The following RPS12 variants were observed in gnomAD, a reference collection of about 807,000 sequenced individuals.
RPS12 encodes the protein small ribosomal subunit protein eS12.
In RPS12, 1 loss-of-function variant was observed where a neutral mutation model predicts 17.2. That is an observed-to-expected ratio of 0.06 (90% CI 0.02 to 0.28). The LOEUF (loss-of-function observed/expected upper bound fraction) is 0.28. Among genes scored for constraint, RPS12 ranks in the 10% least tolerant of loss-of-function variants. The probability of loss-of-function intolerance (pLI) is 1.00; values close to 1 mark genes in which losing one functional copy is unlikely to be tolerated. For missense variants in RPS12, 146 were observed against 162.1 expected, an observed-to-expected ratio of 0.90 and a Z score of 0.54; for synonymous variants, 67 against 54.0, an observed-to-expected ratio of 1.24 and a Z score of -1.06.
intron 3 of RPS12, chr6:132,815,853 T>C (rs756256015): frequency 9.3e-6 from 4 of 432,052 alleles, no homozygotes; most frequent in South Asian, 5.1e-5. Flanking sequence ...TTTCTTTTTT[T>C]TTTTTGAGAC....
chr6:132,815,324 A>T (rs1385599585), intron 3 of RPS12: 1 of 701,096 alleles, frequency 1.4e-6, no homozygotes, highest in Non-Finnish European at 2.6e-6. Flanking sequence ...TGATGACTTT[A>T]ATTGTCGGAT....
intron 4 of RPS12, 37 bp downstream of exon 4, chr6:132,816,600 A>G (rs1782066947): frequency 5.1e-6 from 7 of 1,376,870 alleles, no homozygotes; most frequent in Non-Finnish European, 7.2e-6. Context: ...ACTAATGTTC[A>G]GTGATGCTTG....
rs1167837015 is a variant in RPS12 at position 132,814,586 on chromosome 6, C to G, written c.-65C>G. On this transcript the variant is annotated 5_prime_UTR_variant, in exon 1 of 6. Coordinates refer to ENST00000230050, the MANE Select transcript of RPS12 (RefSeq NM_001016.4). ...GATGAGGCCTCTTTCCCTGCCGCCG[C>G]CGAGTCGCGCGGAGGCGGAGGCTTG... 5.1e-6 allele frequency: 4 copies of G among 781,968 alleles called. No individual in the cohort carries two copies. The highest frequency in any genetic ancestry group is 8.9e-6 in the Non-Finnish European group (4 of 451,844). The allele number at this position is 781,968 out of a possible 1,614,324, so 48.4% of individuals were successfully genotyped here.
chr6:132,816,871 T>TACAGCCACCGTCACCCTTCTGAC (rs1562281267), intron 4 of RPS12, 89 bp from the exon 5 acceptor site: 1 of 924,618 alleles, frequency 1.1e-6, no homozygotes, highest in African/African-American at 1.6e-5. Flanking sequence ...ACCCTTCTGA[T>TACAGCCACCGTCACCCTTCTGAC]TACAGCCACC....
chr6:132,815,310 T>C (rs775450369), intron 3 of RPS12: 2 of 721,390 alleles, frequency 2.8e-6, no homozygotes, highest in South Asian at 2.7e-5. Flanking sequence ...CTACAGTGTT[T>C]GAATGATGAC....
rs976142375 is a variant in RPS12 at position 132,814,625 on chromosome 6, G to A, written c.-38+12G>A. The A allele has an allele frequency of 2.0e-6, 2 of 1,022,916 alleles. No homozygotes were observed. Among genetic ancestry groups the A allele is most frequent in the East Asian group, 2.4e-5 (1 of 42,302 alleles). The allele number at this position is 1,022,916 out of a possible 1,614,324, so 63.4% of individuals were successfully genotyped here. On this transcript the variant is annotated intron_variant, in intron 1 of 5. Transcript: ENST00000230050. ...GGCGGAGGCTTGGGGTAAGTTGAGC[G>A]AGGCGGCAGGGGGGTGTATTGGTTA...
chr6:132,815,855 T>G (rs777882036), intron 3 of RPS12: 5 of 432,596 alleles, frequency 1.2e-5, no homozygotes, highest in African/African-American at 6.3e-5. Context: ...TCTTTTTTTT[T>G]TTTGAGACAA....
chr6:132,815,228 T>C (rs774572265), intron 3 of RPS12, 140 bp downstream of exon 3: 8 of 744,012 alleles, frequency 1.1e-5, no homozygotes, highest in Non-Finnish European at 2.0e-5. Flanking sequence ...GGAAAAGGTA[T>C]CAGAACTCAG....
At chr6:132,816,760 T>A (rs1370805399) in intron 4 of RPS12, 197 bp downstream of exon 4, 2 of 768,304 alleles carry the variant, frequency 2.6e-6, no homozygotes, top group Non-Finnish European at 4.7e-6. Flanking sequence ...TTGACGTTGG[T>A]ATACAACAAA....
At chr6:132,815,952 CT>C (rs1160661845) in intron 3 of RPS12, 2 of 453,372 alleles carry the variant, frequency 4.4e-6, no homozygotes, top group Non-Finnish European at 8.8e-6. Context: ...ATTCTTCTGC[CT>C]CCCGAGTAGA....
At chr6:132,814,865 A>G in intron 2 of RPS12, 83 bp downstream of exon 2, 1 of 1,461,892 alleles carries the variant, frequency 6.8e-7, no homozygotes, top group Non-Finnish European at 9.6e-7. Context: ...GGACTGGGTC[A>G]AACGGGTCGC....
intron 4 of RPS12, 149 bp downstream of exon 4, chr6:132,816,712 G>T (rs916821059): frequency 3.9e-6 from 3 of 775,236 alleles, no homozygotes; most frequent in African/African-American, 1.7e-5. Flanking sequence ...ATGATTGTAG[G>T]TAGAAGCATT....
Position 132,814,792 on chromosome 6 carries a change from G to C in RPS12, c.14+10G>C. 1 of 1,612,682 alleles carries C rather than the reference G, an allele frequency of 6.2e-7. No homozygotes were observed. The highest frequency in any genetic ancestry group is 8.5e-7 in the Non-Finnish European group (1 of 1,178,806). The stretch of plus-strand genomic sequence containing the variant: ...CCATGGCCGAGGAAGGGTGAGCCCA[G>C]GGGCCGGGGTTGGAGTTGGGGTCGG... On this transcript the variant is annotated intron_variant, in intron 2 of 5. Transcript: ENST00000230050.
At position 132,814,633 on chromosome 6, in the gene RPS12, A is replaced by G. The variant is rs1315894421; in HGVS notation, c.-38+20A>G. ...CTTGGGGTAAGTTGAGCGAGGCGGC[A>G]GGGGGGTGTATTGGTTATAATTTGT... On this transcript the variant is annotated intron_variant, in intron 1 of 5. Coordinates refer to ENST00000230050, the MANE Select transcript of RPS12 (RefSeq NM_001016.4). 1.4e-5 allele frequency: 15 copies of G among 1,058,892 alleles called. No individual in the cohort carries two copies. Among genetic ancestry groups the G allele is most frequent in the East Asian group, 9.4e-5 (4 of 42,400 alleles). 65.6% of individuals were successfully genotyped at this position (1,058,892 alleles called of 1,614,324 possible). A position where few individuals can be genotyped will look rare whatever the true frequency, so the allele number is the denominator to read the frequency against.
Position 132,814,581 on chromosome 6 carries a change from C to T in RPS12, c.-70C>T, listed in dbSNP as rs1781997302. On this transcript the variant is annotated 5_prime_UTR_variant, in exon 1 of 6. Coordinates refer to ENST00000230050, the MANE Select transcript of RPS12 (RefSeq NM_001016.4). ...GTGCGGATGAGGCCTCTTTCCCTGC[C>T]GCCGCCGAGTCGCGCGGAGGCGGAG... 4 of 762,606 alleles carry T rather than the reference C, an allele frequency of 5.2e-6. No homozygotes were observed. The highest frequency in any genetic ancestry group is 2.4e-5 in the East Asian group (1 of 40,924). The allele number at this position is 762,606 out of a possible 1,614,324, so 47.2% of individuals were successfully genotyped here.
rs770260980 is a variant in RPS12, at chr6:132,816,970, A to G, written c.245A>G (p.Asn82Ser). 38 of 1,607,854 alleles carry G rather than the reference A, an allele frequency of 2.4e-5. No individual in the cohort carries two copies. The highest frequency in any genetic ancestry group is 3.2e-5 in the Non-Finnish European group (37 of 1,174,542). The change falls in exon 5 of 6, where the codon AAC becomes AGC. Residue 82 changes from asparagine (N) to serine (S), a missense_variant. Transcript: ENST00000230050. The stretch of plus-strand genomic sequence containing the variant: ...CCTTTCTCCCAATAGGTTGATGACA[A>G]CAAGAAACTAGGAGAATGGGTAGGC... ...HQINLIKVDD[N>S]KKLGEWVGLC...
intron 2 of RPS12, 54 bp from the exon 3 acceptor site, chr6:132,814,918 G>C: frequency 7.1e-7 from 1 of 1,409,876 alleles, no homozygotes; most frequent in Non-Finnish European, 1.0e-6. Context: ...CTGAGTGCAA[G>C]GCCTTATGTG....
intron 5 of RPS12, 66 bp downstream of exon 5, chr6:132,817,127 A>AT: frequency 5.9e-6 from 6 of 1,011,550 alleles, no homozygotes; most frequent in Non-Finnish European, 9.4e-6. Flanking sequence ...TTGTATTGAA[A>AT]TAAGTTGAGG....
chr6:132,815,900 T>C (rs778931367), intron 3 of RPS12: 1 of 452,750 alleles, frequency 2.2e-6, no homozygotes, highest in Middle Eastern at 6.6e-4. Context: ...TGGAGTGCAG[T>C]GGCGCGATCT....
Sources: gnomAD v4.1 joint callset for allele counts on GRCh38, gnomAD v4.1.1 for gene constraint, MANE v1.5 for transcripts, NCBI Gene and HGNC (gene_info 2026-07-23, HGNC 2026-07-21) for gene names.